MYLK3: variants seen among roughly 807,000 people sequenced by gnomAD.
MYLK3 encodes MLC kinase.
A neutral mutation model predicts 76.3 loss-of-function variants in MYLK3; 55 were observed. The observed-to-expected ratio is 0.72, with a 90% CI of 0.58 to 0.90. The LOEUF (loss-of-function observed/expected upper bound fraction) is 0.90, where lower values mean the gene tolerates loss of function less well. Ranked by LOEUF, MYLK3 falls within the 40% of genes least tolerant of loss-of-function variation. The probability of loss-of-function intolerance (pLI) is 0.00; values close to 1 mark genes in which losing one functional copy is unlikely to be tolerated. For missense variants in MYLK3, 973 were observed against 1,053.6 expected (o/e 0.92, Z 1.06); for synonymous variants, 416 against 425.4 (o/e 0.98, Z 0.27).
intron 1 of MYLK3, among the ~76,000 whole-genome samples, chr16:46,760,529 A>G (rs765756985): frequency 9.2e-5 from 14 of 152,214 alleles, no homozygotes; most frequent in Non-Finnish European, 1.8e-4. Context: ...ACACATAGGA[A>G]CAACAGAGAA....
At chr16:46,747,595 A>T in intron 1 of MYLK3, 122 bp downstream of exon 1, 1 of 952,946 alleles carries the variant, frequency 1.0e-6, no homozygotes, top group South Asian at 1.6e-5. Context: ...CCTTTTCCCC[A>T]TCAACAGGTC....
chr16:46,739,937 A>G (rs116854932), intron 2 of MYLK3, 120 bp downstream of exon 2: 5 of 719,022 alleles, frequency 7.0e-6, no homozygotes, highest in Non-Finnish European at 1.2e-5. Flanking sequence ...CTGCAAAAAC[A>G]AGAAAAAAAG....
intron 3 of MYLK3, among the ~76,000 whole-genome samples, chr16:46,733,207 A>G (rs1314192323): frequency 6.6e-6 from 1 of 152,046 alleles, no homozygotes; most frequent in African/African-American, 2.4e-5. Flanking sequence ...ACAAAAAATA[A>G]TTTTAAAAAA....
Position 46,732,532 on chromosome 16 carries a change from G to A in MYLK3, c.1138C>T (p.Arg380Cys), listed in dbSNP as rs771870674. 13 of 1,603,136 alleles carry A rather than the reference G, an allele frequency of 8.1e-6. No homozygotes were observed. The highest frequency in any genetic ancestry group is 1.1e-5 in the South Asian group (1 of 91,050). ...TCAGTCCCAGGGGCTTGGAGGCAGC[G>A]CCCGGTCCCAGGTGGGCCCTGCTTG... ...PGKQGPPGTG[R>C]CLQAPGTEPG... Residue 380 changes from arginine to cysteine, a missense_variant, in exon 4 of 13, where the codon CGC becomes TGC. Arg to Cys is a radical substitution (Grantham distance 180). Coordinates refer to ENST00000394809, the MANE Select transcript of MYLK3 (RefSeq NM_182493.3).
Position 46,727,283 on chromosome 16 carries a change from C to A in MYLK3, c.1867G>T (p.Gly623Cys). ...VVLFTRQICE[G>C]VHYLHQHYIL... ...TAGTGCTGGTGCAGGTAATGCACAC[C>A]CTCACAGATCTGCCTGGTGAACAGG... The change falls in exon 8 of 13, where the codon GGT (glycine) becomes TGT (cysteine). Residue 623 changes from glycine (G) to cysteine (C), a missense_variant. By Grantham distance (159) the Gly-to-Cys change is radical. This residue lies in a region of MYLK3 where 332 missense variants were observed against 416.6 expected (regional missense o/e 0.80). Coordinates refer to ENST00000394809, the MANE Select transcript of MYLK3 (RefSeq NM_182493.3). 6.2e-7 allele frequency: 1 copy of A among 1,614,108 alleles called. No homozygotes were observed. Among genetic ancestry groups the A allele is most frequent in the Non-Finnish European group, 8.5e-7 (1 of 1,179,972 alleles).
chr16:46,709,780 T>C, intron 11 of MYLK3, 109 bp from the exon 12 acceptor site: 4 of 1,276,960 alleles, frequency 3.1e-6, no homozygotes, highest in Non-Finnish European at 4.3e-6. Context: ...ATTAATCATT[T>C]AGGCAGATTC....
chr16:46,760,425 C>T (rs191943337), intron 1 of MYLK3, among the ~76,000 whole-genome samples: 4 of 152,314 alleles, frequency 2.6e-5, no homozygotes, highest in Admixed American at 2.0e-4. Flanking sequence ...GCTGCACTGT[C>T]TTATTTAATC....
intron 8 of MYLK3, among the ~76,000 whole-genome samples, chr16:46,724,744 T>G (rs1457798732): frequency 1.3e-5 from 2 of 152,220 alleles, no homozygotes; most frequent in African/African-American, 4.8e-5. Flanking sequence ...TCCTCCAAAT[T>G]CGTTCTTTTT....
Position 46,709,569 on chromosome 16 carries a change from CA to C in MYLK3, c.2369del (p.Leu790ArgfsTer5). On this transcript the variant is annotated frameshift_variant, in exon 12 of 13. Transcript: ENST00000394809. LOFTEE classifies it high-confidence loss of function. ...SKTRLKSQLL[L>X]QKYIAQRKWK... is the part of the protein sequence containing the mutation. Reference sequence around the variant, plus strand: ...ATTTTCTTTGAGCTATGTATTTCTGCAGCAGTAGTTGGGATTTGAGACGAGT... The same window carrying C: ...ATTTTCTTTGAGCTATGTATTTCTGCGCAGTAGTTGGGATTTGAGACGAGT... 6.2e-7 allele frequency: 1 copy of C among 1,613,988 alleles called. No homozygotes were observed. Among genetic ancestry groups the C allele is most frequent in the Non-Finnish European group, 8.5e-7 (1 of 1,179,998 alleles).
chr16:46,725,671 A>G, intron 8 of MYLK3: 1 of 152,146 alleles, frequency 6.6e-6, no homozygotes, highest in Non-Finnish European at 1.5e-5. Context: ...TCAGTTTGCT[A>G]ATACTTTATT....
chr16:46,723,942 C>T (rs1457969855), intron 8 of MYLK3, among the ~76,000 whole-genome samples: 1 of 152,186 alleles, frequency 6.6e-6, no homozygotes, highest in African/African-American at 2.4e-5. Flanking sequence ...AGCCACCGTG[C>T]CCAGACTTTA....
At chr16:46,728,790 T>C (rs1966847025) in intron 7 of MYLK3, among the ~76,000 whole-genome samples, 1 of 152,234 alleles carries the variant, frequency 6.6e-6, no homozygotes. Context: ...TTGACATACA[T>C]ACACCTGCAG....
intron 1 of MYLK3, among the ~76,000 whole-genome samples, chr16:46,741,917 C>T (rs1474018504): frequency 2.6e-5 from 4 of 152,144 alleles, no homozygotes; most frequent in Middle Eastern, 3.4e-3. Context: ...ACTACAGGCA[C>T]GTGCCACCAC....
chr16:46,757,340 C>T, intron 1 of MYLK3: 2 of 977,670 alleles, frequency 2.0e-6, no homozygotes, highest in Non-Finnish European at 2.4e-6. Flanking sequence ...ACAACTGTCA[C>T]CAGGTCTCCC....
chr16:46,737,706 C>A lies in MYLK3; in HGVS notation c.1001+5G>T. On this transcript the variant is annotated splice_donor_5th_base_variant and intron_variant, in intron 3 of 12. Coordinates refer to ENST00000394809, the MANE Select transcript of MYLK3 (RefSeq NM_182493.3). ...CCTCACCCAGCCTGGAAGAGCTCCCCTTACCTTGGAGGTGTTTCTCCACCA... is the reference window on the plus strand; with the variant it reads ...CCTCACCCAGCCTGGAAGAGCTCCCATTACCTTGGAGGTGTTTCTCCACCA... 6.3e-7 allele frequency: 1 copy of A among 1,590,202 alleles called. No homozygotes were observed. Among genetic ancestry groups the A allele is most frequent in the South Asian group, 1.1e-5 (1 of 89,598 alleles).
intron 9 of MYLK3, among the ~76,000 whole-genome samples, chr16:46,720,140 T>C (rs1207169762): frequency 6.6e-6 from 1 of 152,196 alleles, no homozygotes; most frequent in Non-Finnish European, 1.5e-5. Context: ...ATTGCACCAC[T>C]GCACTCCAGT....
At chr16:46,743,072 C>G (rs1164248510) in intron 1 of MYLK3, among the ~76,000 whole-genome samples, 1 of 152,202 alleles carries the variant, frequency 6.6e-6, no homozygotes, top group Non-Finnish European at 1.5e-5. Context: ...CAGGGCTCAG[C>G]CTTCTAGTCC....
chr16:46,703,458 C>G lies in MYLK3; in HGVS notation c.*4246G>C, dbSNP rs1048356764. 1.3e-5 allele frequency: 2 copies of G among 152,236 alleles called. No individual in the cohort carries two copies. Among genetic ancestry groups the G allele is most frequent in the African/African-American group, 4.8e-5 (2 of 41,466 alleles). The allele number at this position is 152,236 out of a possible 1,614,324, so 9.4% of individuals were successfully genotyped here. On this transcript the variant is annotated 3_prime_UTR_variant, in exon 13 of 13. Coordinates refer to ENST00000394809, the MANE Select transcript of MYLK3 (RefSeq NM_182493.3). ...CATTTTCCCCACAGCCTCACCAATT[C>G]TTCACCAATCTGACAGGTGGAAAAA...
At position 46,707,542 on chromosome 16, in the gene MYLK3, C is replaced by T. The variant is rs1298207971; in HGVS notation, c.*162G>A. The stretch of plus-strand genomic sequence containing the variant: ...ACGTTCTTAGGAAGCTTCTTTACAG[C>T]CACTTTTCATCCACAAGGAAGGCAG... On this transcript the variant is annotated 3_prime_UTR_variant, in exon 13 of 13. Coordinates refer to ENST00000394809, the MANE Select transcript of MYLK3 (RefSeq NM_182493.3). 3.4e-5 allele frequency: 19 copies of T among 556,094 alleles called. No individual in the cohort carries two copies. Among genetic ancestry groups the T allele is most frequent in the Non-Finnish European group, 5.4e-5 (17 of 313,062 alleles). 34.4% of individuals were successfully genotyped at this position (556,094 alleles called of 1,614,324 possible). A position where few individuals can be genotyped will look rare whatever the true frequency, so the allele number is the denominator to read the frequency against.
Sources: allele counts gnomAD v4.1 joint callset (sites outside exome capture counted in the v4.1 genomes callset), GRCh38; gene constraint gnomAD v4.1.1; regional missense constraint gnomAD v4.1.1; transcripts MANE v1.5; gene names NCBI Gene and HGNC (gene_info 2026-07-23, HGNC 2026-07-21).